Variants in S100Z observed in about 807,000 individuals in gnomAD.
S100Z encodes the protein protein S100-Z.
In S100Z, 11 loss-of-function variants were observed where a neutral mutation model predicts 8.5. The ratio of observed to expected loss-of-function variants is 1.30; its 90% CI spans 0.82 to 2.15. The LOEUF is 2.15. S100Z is among the 30% of genes most tolerant of loss of function. S100Z has a pLI of 0.00. For synonymous variants in S100Z, 34 were observed against 43.8 expected, an observed-to-expected ratio of 0.78 and a Z score of 0.89; for missense variants, 126 against 117.9, an observed-to-expected ratio of 1.07 and a Z score of -0.32.
the S100Z span, among the ~76,000 whole-genome samples, chr5:76,932,813 CA>C: frequency 2.0e-5 from 3 of 152,106 alleles, no homozygotes; most frequent in South Asian, 6.2e-4. Context: ...TAAAGCTAGA[CA>C]TTTTTTTCTG....
intron 1 of S100Z, among the ~76,000 whole-genome samples, chr5:76,854,203 G>C (rs1022694487): frequency 1.3e-5 from 2 of 152,206 alleles, no homozygotes. Flanking sequence ...GTACCAAGGA[G>C]TGGGGCATTG....
At chr5:76,912,095 A>G (rs1417278088) in intron 4 of S100Z, among the ~76,000 whole-genome samples, 1 of 123,368 alleles carries the variant, frequency 8.1e-6, no homozygotes. Context: ...GCGTTGGCTT[A>G]GTGTCAGAGG....
At chr5:76,899,717 G>C (rs1181134337) in intron 4 of S100Z, among the ~76,000 whole-genome samples, 1 of 152,068 alleles carries the variant, frequency 6.6e-6, no homozygotes, top group Non-Finnish European at 1.5e-5. Flanking sequence ...TTCAAAAGTT[G>C]TTGTAGTTAT....
At chr5:76,930,094 A>G in the S100Z span, among the ~76,000 whole-genome samples, 3 of 152,230 alleles carry the variant, frequency 2.0e-5, no homozygotes, top group African/African-American at 7.2e-5. Flanking sequence ...GATATCTTCT[A>G]TTCCCACAAA....
chr5:76,935,535 T>C, the S100Z span, among the ~76,000 whole-genome samples: 128 of 152,210 alleles, frequency 8.4e-4, no homozygotes, highest in Non-Finnish European at 1.7e-3. Flanking sequence ...TTTCTTTCCA[T>C]CTCTTCTCTA....
chr5:76,938,999 T>A, the S100Z span, among the ~76,000 whole-genome samples: 16 of 152,264 alleles, frequency 1.1e-4, no homozygotes, highest in East Asian at 2.9e-3. Flanking sequence ...CCCAGATAAT[T>A]ACAAATGATA....
At chr5:76,912,042 T>C (rs1329356399) in intron 4 of S100Z, among the ~76,000 whole-genome samples, 3 of 152,030 alleles carry the variant, frequency 2.0e-5, no homozygotes, top group African/African-American at 7.3e-5. Context: ...AGGAAATTGA[T>C]GTAGTAGCAA....
At chr5:76,873,887 T>C (rs1743092693) in intron 2 of S100Z, among the ~76,000 whole-genome samples, 1 of 152,210 alleles carries the variant, frequency 6.6e-6, no homozygotes, top group Non-Finnish European at 1.5e-5. Flanking sequence ...CACTTGGAAA[T>C]CTGTTGTGGA....
intron 4 of S100Z, among the ~76,000 whole-genome samples, chr5:76,917,996 G>A (rs1312114947): frequency 2.0e-5 from 3 of 152,082 alleles, no homozygotes; most frequent in African/African-American, 7.2e-5. Context: ...ATATATCTGT[G>A]TAGTCTTTAG....
At chr5:76,863,838 A>G (rs538597650) in intron 1 of S100Z, among the ~76,000 whole-genome samples, 1 of 152,298 alleles carries the variant, frequency 6.6e-6, no homozygotes, top group Admixed American at 6.5e-5. Flanking sequence ...GCGCCCGGCC[A>G]ATTATATTAT....
the S100Z span, among the ~76,000 whole-genome samples, chr5:76,941,912 G>A: frequency 1.3e-5 from 2 of 151,260 alleles, no homozygotes; most frequent in South Asian, 2.1e-4. Context: ...GTATGGATTT[G>A]TAGAAATTTA....
the S100Z span, among the ~76,000 whole-genome samples, chr5:76,951,025 A>AT: frequency 0.082 from 12,000 of 147,104 alleles, 1,572 homozygotes; most frequent in African/African-American, 0.28. Context: ...ATTACCATTA[A>AT]TTTTTTTTTT....
In S100Z at chr5:76,884,532, G is replaced by A. The variant is rs763310529; in HGVS notation, c.*2+6698G>A. Among the ~76,000 whole-genome samples the A allele has an allele frequency of 4.6e-5, 7 of 152,232 alleles. No individual in the cohort carries two copies. The East Asian group carries it at 7.7e-4, about 17-fold the overall frequency. On this transcript the variant is annotated intron_variant, in intron 4 of 4. Coordinates refer to ENST00000317593, the MANE Select transcript of S100Z (RefSeq NM_130772.4). Reference sequence around the variant, plus strand: ...AAATTGTAGGACAGAGTTAGATATCGGAATTCCTGTATATATTTAGTGGGG... The same window carrying A: ...AAATTGTAGGACAGAGTTAGATATCAGAATTCCTGTATATATTTAGTGGGG...
intron 4 of S100Z, among the ~76,000 whole-genome samples, chr5:76,880,970 G>A (rs561234314): frequency 1.4e-4 from 22 of 152,332 alleles, no homozygotes; most frequent in African/African-American, 4.8e-4. Context: ...AAATGGCTAG[G>A]AGAGAGTGAC....
At chr5:76,868,334 G>A (rs549768164) in intron 1 of S100Z, among the ~76,000 whole-genome samples, 2 of 144,730 alleles carry the variant, frequency 1.4e-5, no homozygotes, top group South Asian at 4.2e-4. Flanking sequence ...CCAAAGCCCA[G>A]TAGAAACAAA....
the S100Z span, among the ~76,000 whole-genome samples, chr5:76,931,934 A>G: frequency 6.6e-6 from 1 of 152,160 alleles, no homozygotes; most frequent in Non-Finnish European, 1.5e-5. Flanking sequence ...AATGGTAGTT[A>G]TCTCTGGATG....
At chr5:76,909,142 A>G (rs919898504) in intron 4 of S100Z, among the ~76,000 whole-genome samples, 4 of 152,122 alleles carry the variant, frequency 2.6e-5, no homozygotes, top group African/African-American at 4.8e-5. Flanking sequence ...CAGCTATTCC[A>G]ATCAGCAGGC....
rs548304682 is a variant in S100Z at position 76,875,981 on chromosome 5, T to A, written c.141+481T>A. On this transcript the variant is annotated intron_variant, in intron 3 of 4. Coordinates refer to ENST00000317593, the MANE Select transcript of S100Z (RefSeq NM_130772.4). Reference sequence around the variant, plus strand: ...CTTTGTCAGCCGAGCACAGACTGATTGGGATTGATAGAAGGATGTGTTTGG... The same window carrying A: ...CTTTGTCAGCCGAGCACAGACTGATAGGGATTGATAGAAGGATGTGTTTGG... Among the ~76,000 whole-genome samples, 20 of 152,230 alleles carry A rather than the reference T, an allele frequency of 1.3e-4. 1 individual carries two copies. The Middle Eastern group carries it at 0.01, about 78-fold the overall frequency.
At chr5:76,883,413 A>G (rs199634353) in intron 4 of S100Z, among the ~76,000 whole-genome samples, 1,401 of 125,862 alleles carry the variant, frequency 0.011, no homozygotes, top group South Asian at 0.017. Flanking sequence ...ATAAAAGAAT[A>G]TTGTCCAAGT....
Sources: gnomAD v4.1 joint callset for allele counts (sites outside exome capture counted in the v4.1 genomes callset) on GRCh38, gnomAD v4.1.1 for gene constraint, MANE v1.5 for transcripts, NCBI Gene and HGNC (gene_info 2026-07-23, HGNC 2026-07-21) for gene names.